Variants in SURF4 observed in about 807,000 individuals in gnomAD.
SURF4 encodes surfeit 4, also known as surfeit locus protein 4.
Under a neutral mutation model 30.0 loss-of-function variants are expected in SURF4, and 3 were observed. That is an observed-to-expected ratio of 0.10 (90% CI 0.05 to 0.26). The LOEUF (loss-of-function observed/expected upper bound fraction) is 0.26, where lower values mean the gene tolerates loss of function less well. Ranked by LOEUF, SURF4 falls within the 10% of genes least tolerant of loss-of-function variation. The pLI, the probability that SURF4 is intolerant of heterozygous loss-of-function variation, is 1.00. For synonymous variants in SURF4, 143 were observed against 139.9 expected (o/e 1.02, Z -0.16); for missense variants, 217 against 350.8 (o/e 0.62, Z 3.05).
chr9:133,375,993 G>A lies in SURF4; in HGVS notation c.-24C>T. On this transcript the variant is annotated 5_prime_UTR_variant, in exon 1 of 6. Transcript: ENST00000371989. ...ATGGCGACGGCGGGAGGCTCGGCTC[G>A]GCTCGCTCGCTCGCTCGCTGGCTCT... is the stretch of plus-strand genomic sequence containing the variant. 3.3e-6 allele frequency: 4 copies of A among 1,223,834 alleles called. No homozygotes were observed. The highest frequency in any genetic ancestry group is 3.1e-6 in the Non-Finnish European group (3 of 980,444). The allele number at this position is 1,223,834 out of a possible 1,614,324, so 75.8% of individuals were successfully genotyped here.
rs2130093350 is a variant in SURF4, at chr9:133,363,801, G to T, written c.544-42C>A. The T allele has an allele frequency of 1.8e-5, 29 of 1,610,912 alleles. No individual in the cohort carries two copies. Among genetic ancestry groups the T allele is most frequent in the Non-Finnish European group, 2.4e-5 (28 of 1,177,644 alleles). Reference sequence around the variant, plus strand: ...GTAAGAAATTCAAAATAAATGTGAGGAAAAGAGATGCTTTATAAACAAAAG... The same window carrying T: ...GTAAGAAATTCAAAATAAATGTGAGTAAAAGAGATGCTTTATAAACAAAAG... On this transcript the variant is annotated intron_variant, in intron 5 of 5. Coordinates refer to ENST00000371989, the MANE Select transcript of SURF4 (RefSeq NM_033161.4). The surrounding 1 kb of genome is among the most constrained non-coding windows in gnomAD (Gnocchi z 4.3).
intron 2 of SURF4, 122 bp from the exon 3 acceptor site, chr9:133,366,797 A>C: frequency 2.6e-6 from 2 of 767,724 alleles, no homozygotes; most frequent in Non-Finnish European, 4.4e-6. Flanking sequence ...CTACCCAAGC[A>C]AAAGACAACT....
intron 1 of SURF4, among the ~76,000 whole-genome samples, chr9:133,373,614 T>TA (rs1156605441): frequency 3.4e-5 from 5 of 147,042 alleles, no homozygotes; most frequent in African/African-American, 1.0e-4. Flanking sequence ...AAAAAAAACA[T>TA]AATAACAAAA....
At chr9:133,364,690 CAAAA>C (rs587654637) in intron 5 of SURF4, 146 bp downstream of exon 5, 482 of 478,290 alleles carry the variant, frequency 1.0e-3, no homozygotes, top group East Asian at 1.6e-3. Flanking sequence ...GACTCCGTCT[CAAAA>C]AAAAAAAAAA....
At chr9:133,376,354 G>A (rs2130246921), upstream of SURF4, 1 of 1,385,630 alleles carries the variant, frequency 7.2e-7, no homozygotes, top group East Asian at 3.1e-5. Context: ...CCAGCGCGCG[G>A]GAGGGACGCC....
chr9:133,367,412 C>T lies in SURF4; in HGVS notation c.82G>A (p.Val28Met), dbSNP rs2130141762. 61 of 1,613,920 alleles carry T rather than the reference C, an allele frequency of 3.8e-5. No homozygotes were observed. Among genetic ancestry groups the T allele is most frequent in the Non-Finnish European group, 4.8e-5 (57 of 1,180,056 alleles). Residue 28 changes from valine (V) to methionine (M), a missense_variant, in exon 2 of 6, where the codon GTG (valine) becomes ATG (methionine). By Grantham distance (21) the Val-to-Met change is conservative (BLOSUM62 1). Transcript: ENST00000371989. Reference sequence around the variant, plus strand: ...GTGCTGATCAGACAGAGGCGCGCCACGTGGGGCAGGTACTGCTTTGTGACA... The same window carrying T: ...GTGCTGATCAGACAGAGGCGCGCCATGTGGGGCAGGTACTGCTTTGTGACA... ...LRVTKQYLPH[V>M]ARLCLISTFL...
chr9:133,364,755 C>T, intron 5 of SURF4, 85 bp downstream of exon 5: 6 of 1,392,004 alleles, frequency 4.3e-6, no homozygotes, highest in Non-Finnish European at 5.9e-6. Flanking sequence ...TAATACCCAA[C>T]CAGGGAGGGG....
intron 1 of SURF4, among the ~76,000 whole-genome samples, chr9:133,368,937 G>A (rs2130164803): frequency 2.6e-5 from 4 of 152,308 alleles, no homozygotes; most frequent in Admixed American, 1.3e-4. Context: ...CAGCTGCACA[G>A]GCCTCCTAGG....
chr9:133,371,159 TGAGGAAA>T, intron 1 of SURF4: 1 of 984,460 alleles, frequency 1.0e-6, no homozygotes, highest in Non-Finnish European at 1.2e-6. Flanking sequence ...AGAAAGAAAT[TGAGGAAA>T]GCAGCTTGCA....
chr9:133,376,204 C>G, upstream of SURF4: 5 of 1,275,286 alleles, frequency 3.9e-6, no homozygotes, highest in Non-Finnish European at 3.9e-6. Context: ...CCCGACCCAT[C>G]CGCTCGAAGC....
At chr9:133,376,322 G>A, upstream of SURF4, 1 of 1,362,102 alleles carries the variant, frequency 7.3e-7, no homozygotes, top group Non-Finnish European at 9.4e-7. Context: ...TTTTAAGGGG[G>A]CGGGGACCTG....
chr9:133,366,289 T>A (rs587763741), intron 3 of SURF4, among the ~76,000 whole-genome samples: 2 of 152,248 alleles, frequency 1.3e-5, no homozygotes, highest in African/African-American at 4.8e-5. Flanking sequence ...CATTTCATTC[T>A]GAATAACCAA....
chr9:133,370,786 C>T (rs1475539026), intron 1 of SURF4: 7 of 1,030,568 alleles, frequency 6.8e-6, no homozygotes, highest in Non-Finnish European at 9.3e-6. Flanking sequence ...TGTGACAGTC[C>T]CCCTCCCCCC....
chr9:133,364,820 A>G lies in SURF4; in HGVS notation c.543+20T>C. On this transcript the variant is annotated intron_variant, in intron 5 of 5. Coordinates refer to ENST00000371989, the MANE Select transcript of SURF4 (RefSeq NM_033161.4). ...CATTCACAGGAAACCAGACCGGTTCAGGCAAGTAGGAATACTTACAGAAAA... is the reference window on the plus strand; with the variant it reads ...CATTCACAGGAAACCAGACCGGTTCGGGCAAGTAGGAATACTTACAGAAAA... 1 of 1,612,890 alleles carries G rather than the reference A, an allele frequency of 6.2e-7. No individual in the cohort carries two copies. The highest frequency in any genetic ancestry group is 8.5e-7 in the Non-Finnish European group (1 of 1,179,108).
At position 133,365,016 on chromosome 9, in the gene SURF4, G is replaced by C; in HGVS notation, c.367C>G (p.Leu123Val). 6.4e-7 allele frequency: 1 copy of C among 1,566,094 alleles called. No individual in the cohort carries two copies. The highest frequency in any genetic ancestry group is 8.7e-7 in the Non-Finnish European group (1 of 1,153,086). Residue 123 changes from leucine (L) to valine (V), a missense_variant, in exon 5 of 6, where the codon CTG (leucine) becomes GTG (valine). Leu to Val is a conservative substitution (Grantham distance 32). Coordinates refer to ENST00000371989, the MANE Select transcript of SURF4 (RefSeq NM_033161.4). ...DLKFLMRNLA[L>V]GGGLLLLLAE... is the part of the protein sequence containing the mutation. ...AGGAGCAGCAACAGGCCTCCTCCCAGGGCCAGGTTCCTGAGGAACAGATAT... is the reference window on the plus strand; with the variant it reads ...AGGAGCAGCAACAGGCCTCCTCCCACGGCCAGGTTCCTGAGGAACAGATAT...
At chr9:133,369,470 G>A (rs1174126302) in intron 1 of SURF4, among the ~76,000 whole-genome samples, 1 of 152,180 alleles carries the variant, frequency 6.6e-6, no homozygotes, top group African/African-American at 2.4e-5. Context: ...CTAATGGTTG[G>A]TAAGATGCTT....
Position 133,363,092 on chromosome 9 carries a change from A to C in SURF4, c.*401T>G. ...TTAGTAGTTTCCGCTAAAAATGTAA[A>C]CTTACAAATAAGAGGGAGACTGCTT... On this transcript the variant is annotated 3_prime_UTR_variant, in exon 6 of 6. Transcript: ENST00000371989. The surrounding 1 kb of genome is among the most constrained non-coding windows in gnomAD (Gnocchi z 4.3). 2.8e-6 allele frequency: 1 copy of C among 358,376 alleles called. No individual in the cohort carries two copies. 22.2% of individuals were successfully genotyped at this position (358,376 alleles called of 1,614,324 possible).
At chr9:133,367,095 T>C (rs1483861702) in intron 2 of SURF4, among the ~76,000 whole-genome samples, 164 bp downstream of exon 2, 1 of 152,196 alleles carries the variant, frequency 6.6e-6, no homozygotes, top group Non-Finnish European at 1.5e-5. Flanking sequence ...CCACCAAGGC[T>C]TGCAGAACCG....
chr9:133,375,736 G>A (rs2130240363), intron 1 of SURF4, among the ~76,000 whole-genome samples, 186 bp downstream of exon 1: 1,760 of 152,168 alleles, frequency 0.012, 14 homozygotes, highest in East Asian at 0.018. Flanking sequence ...AGGGGAGACT[G>A]GGCCCGGAGG....
Sources: gnomAD v4.1 joint callset for allele counts (sites outside exome capture counted in the v4.1 genomes callset) on GRCh38, gnomAD v4.1.1 for gene constraint, Gnocchi (gnomAD v3.1) non-coding constraint, MANE v1.5 for transcripts, NCBI Gene and HGNC (gene_info 2026-07-23, HGNC 2026-07-21) for gene names.